Variants in TMCO4 observed in about 807,000 individuals in gnomAD.
TMCO4 encodes transmembrane and coiled-coil domains 4, also known as transmembrane and coiled-coil domain-containing protein 4.
A neutral mutation model predicts 64.7 loss-of-function variants in TMCO4; 58 were observed. The observed-to-expected ratio is 0.90, with a 90% CI of 0.73 to 1.12. The LOEUF (loss-of-function observed/expected upper bound fraction) is 1.12. Ranked by LOEUF, TMCO4 falls within the 50% of genes most tolerant of loss-of-function variation. TMCO4 has a pLI of 0.00. For synonymous variants in TMCO4, 325 were observed against 346.1 expected (o/e 0.94, Z 0.68); for missense variants, 780 against 825.9 (o/e 0.94, Z 0.68).
At chr1:19,720,493 T>A (rs985858181) in intron 13 of TMCO4, among the ~76,000 whole-genome samples, 3 of 152,186 alleles carry the variant, frequency 2.0e-5, no homozygotes, top group Admixed American at 6.5e-5. Flanking sequence ...GCATTGGATC[T>A]TCCCAATGGA....
At chr1:19,692,900 G>T (rs113086286) in intron 15 of TMCO4, among the ~76,000 whole-genome samples, 1 of 152,010 alleles carries the variant, frequency 6.6e-6, no homozygotes, top group Non-Finnish European at 1.5e-5. Flanking sequence ...GGTCAGGCAC[G>T]GTGGCTCACG....
At chr1:19,746,416 T>C (rs1316614098) in intron 9 of TMCO4, 40 bp downstream of exon 9, 1 of 1,610,668 alleles carries the variant, frequency 6.2e-7, no homozygotes, top group Non-Finnish European at 8.5e-7. Flanking sequence ...CCACCCTGGC[T>C]GAAAATTCCT....
At chr1:19,756,981 A>G (rs1257399703) in intron 6 of TMCO4, among the ~76,000 whole-genome samples, 1 of 152,132 alleles carries the variant, frequency 6.6e-6, no homozygotes, top group Non-Finnish European at 1.5e-5. Context: ...TAAGAAACAA[A>G]ACAAAAAACA....
rs538721821 is a variant in TMCO4, at chr1:19,757,655, T to C, written c.383-1889A>G. Among the ~76,000 whole-genome samples, 6 of 152,212 alleles carry C rather than the reference T, an allele frequency of 3.9e-5. No homozygotes were observed. The East Asian group carries it at 1.2e-3, about 29-fold the overall frequency. The stretch of plus-strand genomic sequence containing the variant: ...ACCCTCTCTGCATCACTCCTTCCTT[T>C]GGGGGTCTGTGATCGCTTACACAGA... On this transcript the variant is annotated intron_variant, in intron 6 of 15. Coordinates refer to ENST00000294543, the MANE Select transcript of TMCO4 (RefSeq NM_181719.7).
At chr1:19,796,625 A>G (rs1206621082) in intron 2 of TMCO4, among the ~76,000 whole-genome samples, 3 of 151,992 alleles carry the variant, frequency 2.0e-5, no homozygotes, top group Admixed American at 2.0e-4. Flanking sequence ...GCCAGGCTGG[A>G]GTGCAGTAGC....
At chr1:19,748,384 A>T (rs2041881361) in intron 7 of TMCO4, among the ~76,000 whole-genome samples, 1 of 152,248 alleles carries the variant, frequency 6.6e-6, no homozygotes, top group East Asian at 1.9e-4. Context: ...CAATAAAGTT[A>T]TATTGAGAAT....
chr1:19,756,705 A>G (rs992140013), intron 6 of TMCO4, among the ~76,000 whole-genome samples: 8 of 152,150 alleles, frequency 5.3e-5, no homozygotes, highest in Admixed American at 3.9e-4. Context: ...TGGCTAAGAT[A>G]ATTTATGGCT....
chr1:19,768,987 G>A (rs1185793412), intron 6 of TMCO4, among the ~76,000 whole-genome samples: 1 of 152,172 alleles, frequency 6.6e-6, no homozygotes, highest in Admixed American at 6.5e-5. Context: ...TGACCTACAT[G>A]TCCTGCCACC....
chr1:19,713,406 G>C (rs1343378006), intron 13 of TMCO4, among the ~76,000 whole-genome samples: 1 of 152,198 alleles, frequency 6.6e-6, no homozygotes, highest in Non-Finnish European at 1.5e-5. Context: ...AGAAGGGGAA[G>C]GGGTGGGGGA....
chr1:19,738,911 T>C (rs1403102076), intron 12 of TMCO4, among the ~76,000 whole-genome samples: 5 of 152,214 alleles, frequency 3.3e-5, no homozygotes, highest in Non-Finnish European at 7.3e-5. Context: ...AACTGAAATG[T>C]TGTAAGGCTT....
At position 19,771,169 on chromosome 1, in the gene TMCO4, T is replaced by C. The variant is rs142875315; in HGVS notation, c.354+139A>G. On this transcript the variant is annotated intron_variant, in intron 5 of 15. Coordinates refer to ENST00000294543, the MANE Select transcript of TMCO4 (RefSeq NM_181719.7). Reference sequence around the variant, plus strand: ...AATAATGATAATTCAACATCAGCTATGATCATGATATGATATTATGATGAC... The same window carrying C: ...AATAATGATAATTCAACATCAGCTACGATCATGATATGATATTATGATGAC... The C allele has an allele frequency of 2.4e-4, 226 of 925,878 alleles. 1 individual carries two copies. In the East Asian group the frequency reaches 4.9e-3, roughly 20 times the overall value. The allele number at this position is 925,878 out of a possible 1,614,324, so 57.4% of individuals were successfully genotyped here.
chr1:19,776,015 C>T (rs2043188108), intron 4 of TMCO4, among the ~76,000 whole-genome samples: 1 of 152,216 alleles, frequency 6.6e-6, no homozygotes, highest in Admixed American at 6.5e-5. Flanking sequence ...TCAAGCGATT[C>T]TTCTACCTCA....
At chr1:19,791,420 T>A (rs1325032550) in intron 2 of TMCO4, among the ~76,000 whole-genome samples, 1 of 152,128 alleles carries the variant, frequency 6.6e-6, no homozygotes, top group Non-Finnish European at 1.5e-5. Flanking sequence ...GATGCTGGAA[T>A]GGGGGAGCCC....
chr1:19,752,907 T>C (rs775695153), intron 7 of TMCO4, among the ~76,000 whole-genome samples: 10 of 151,676 alleles, frequency 6.6e-5, no homozygotes, highest in Admixed American at 1.3e-4. Flanking sequence ...AAAAATCTGA[T>C]GCTGGCAACG....
At chr1:19,721,409 C>A (rs562486232) in intron 13 of TMCO4, among the ~76,000 whole-genome samples, 1 of 152,256 alleles carries the variant, frequency 6.6e-6, no homozygotes, top group African/African-American at 2.4e-5. Flanking sequence ...TGCTGGACCT[C>A]GAGAAAGCAG....
chr1:19,740,636 T>C, intron 11 of TMCO4, 141 bp downstream of exon 11: 1 of 912,742 alleles, frequency 1.1e-6, no homozygotes, highest in Non-Finnish European at 1.7e-6. Flanking sequence ...CAGACAGGAA[T>C]GCGGCCTTAA....
chr1:19,689,551 T>A (rs2095175961), intron 15 of TMCO4, among the ~76,000 whole-genome samples: 1 of 152,204 alleles, frequency 6.6e-6, no homozygotes, highest in Non-Finnish European at 1.5e-5. Flanking sequence ...GTTAAGTAAC[T>A]GGCCCAAGGT....
chr1:19,685,754 C>T (rs2095143826), intron 15 of TMCO4, among the ~76,000 whole-genome samples: 1 of 134,714 alleles, frequency 7.4e-6, no homozygotes, highest in Non-Finnish European at 1.6e-5. Context: ...CGCTCTGTTG[C>T]CCAGGCTGGA....
chr1:19,767,670 C>T (rs932441290), intron 6 of TMCO4, among the ~76,000 whole-genome samples: 2 of 152,248 alleles, frequency 1.3e-5, no homozygotes, highest in African/African-American at 2.4e-5. Flanking sequence ...GATGAAGAAG[C>T]AATGAGAGAA....
Sources: allele counts gnomAD v4.1 joint callset (sites outside exome capture counted in the v4.1 genomes callset), GRCh38; gene constraint gnomAD v4.1.1; transcripts MANE v1.5; gene names NCBI Gene and HGNC (gene_info 2026-07-23, HGNC 2026-07-21).